Variants in CNTNAP2 observed in about 807,000 individuals in gnomAD.
The protein encoded by CNTNAP2 is contactin-associated protein-like 2.
Under a neutral mutation model 155.2 loss-of-function variants are expected in CNTNAP2, and 98 were observed. The observed-to-expected ratio is 0.63, with a 90% CI of 0.54 to 0.75. CNTNAP2 has a LOEUF of 0.75. Among genes scored for constraint, CNTNAP2 ranks in the 30% least tolerant of loss-of-function variants. CNTNAP2 has a pLI of 0.00. For missense variants in CNTNAP2, 1,727 were observed against 1,688.1 expected, an observed-to-expected ratio of 1.02 and a Z score of -0.40; for synonymous variants, 651 against 631.2, an observed-to-expected ratio of 1.03 and a Z score of -0.47.
intron 1 of CNTNAP2, among the ~76,000 whole-genome samples, chr7:146,586,536 C>T (rs1798695105): frequency 1.3e-5 from 2 of 151,564 alleles, no homozygotes; most frequent in Non-Finnish European, 2.9e-5. Context: ...TTTACACACA[C>T]ATACACACAC....
At chr7:146,841,373 G>C (rs1172299255) in intron 3 of CNTNAP2, among the ~76,000 whole-genome samples, 1 of 151,748 alleles carries the variant, frequency 6.6e-6, no homozygotes, top group African/African-American at 2.4e-5. Context: ...AAGGGGGTTG[G>C]GTGGGGGGAA....
At chr7:146,745,896 G>A (rs1239487307) in intron 1 of CNTNAP2, among the ~76,000 whole-genome samples, 1 of 152,140 alleles carries the variant, frequency 6.6e-6, no homozygotes, top group Admixed American at 6.5e-5. Flanking sequence ...AATAGAAAGG[G>A]TGCATGTATC....
chr7:147,776,713 T>C (rs531801125), intron 13 of CNTNAP2, among the ~76,000 whole-genome samples: 1 of 152,236 alleles, frequency 6.6e-6, no homozygotes, highest in African/African-American at 2.4e-5. Flanking sequence ...TTTTTTTTGA[T>C]TCTAAGAGCA....
chr7:147,112,858 G>T (rs1418639708), intron 5 of CNTNAP2, among the ~76,000 whole-genome samples: 2 of 151,920 alleles, frequency 1.3e-5, no homozygotes, highest in Non-Finnish European at 2.9e-5. Flanking sequence ...TGTTGTTGTT[G>T]TATATCCACC....
At chr7:147,580,395 G>T (rs905429747) in intron 12 of CNTNAP2, among the ~76,000 whole-genome samples, 4 of 152,104 alleles carry the variant, frequency 2.6e-5, no homozygotes, top group Non-Finnish European at 4.4e-5. Context: ...TTGAGCTGAA[G>T]AGAATATTAA....
intron 1 of CNTNAP2, among the ~76,000 whole-genome samples, chr7:146,525,315 A>T (rs987803109): frequency 3.3e-5 from 5 of 152,130 alleles, no homozygotes; most frequent in South Asian, 2.1e-4. Context: ...CGCCACTTAC[A>T]TATTTTCATG....
intron 10 of CNTNAP2, among the ~76,000 whole-genome samples, chr7:147,469,349 A>T (rs1206879345): frequency 6.6e-6 from 1 of 151,958 alleles, no homozygotes; most frequent in Non-Finnish European, 1.5e-5. Flanking sequence ...CTGATCTGAA[A>T]ACCCCTAATT....
At chr7:146,931,365 A>T (rs1459324199) in intron 3 of CNTNAP2, among the ~76,000 whole-genome samples, 2 of 150,044 alleles carry the variant, frequency 1.3e-5, no homozygotes, top group Non-Finnish European at 3.0e-5. Context: ...GAAGGCAGAA[A>T]TAAAGATGTT....
At chr7:147,185,382 A>T (rs114916141) in intron 8 of CNTNAP2, among the ~76,000 whole-genome samples, 1 of 152,314 alleles carries the variant, frequency 6.6e-6, no homozygotes, top group African/African-American at 2.4e-5. Flanking sequence ...TTAGGTATAT[A>T]TACTAGAGAA....
At chr7:147,436,377 T>G (rs1331648861) in intron 10 of CNTNAP2, among the ~76,000 whole-genome samples, 1 of 152,168 alleles carries the variant, frequency 6.6e-6, no homozygotes, top group Non-Finnish European at 1.5e-5. Flanking sequence ...CAGTTAAAAA[T>G]TTTTAATTTG....
intron 9 of CNTNAP2, among the ~76,000 whole-genome samples, chr7:147,340,516 A>G (rs1795742660): frequency 6.6e-6 from 1 of 152,096 alleles, no homozygotes; most frequent in Non-Finnish European, 1.5e-5. Flanking sequence ...GCACATACTA[A>G]GCAATTTATC....
chr7:147,767,870 G>A (rs541905428), intron 13 of CNTNAP2, among the ~76,000 whole-genome samples: 2 of 152,222 alleles, frequency 1.3e-5, no homozygotes, highest in East Asian at 1.9e-4. Context: ...GATAGGAAAT[G>A]AGAGAAAGAG....
intron 11 of CNTNAP2, among the ~76,000 whole-genome samples, chr7:147,522,621 T>C (rs1799247278): frequency 6.6e-6 from 1 of 152,024 alleles, no homozygotes; most frequent in East Asian, 1.9e-4. Context: ...GCAGTAAACA[T>C]TTTTTTGCAT....
At chr7:147,529,654 G>T (rs1234743419) in intron 11 of CNTNAP2, among the ~76,000 whole-genome samples, 2 of 152,102 alleles carry the variant, frequency 1.3e-5, no homozygotes, top group Non-Finnish European at 2.9e-5. Flanking sequence ...GGACGTTGAG[G>T]CTTAATAAAA....
intron 8 of CNTNAP2, among the ~76,000 whole-genome samples, chr7:147,261,290 G>C (rs1396382223): frequency 6.6e-6 from 1 of 152,148 alleles, no homozygotes; most frequent in African/African-American, 2.4e-5. Context: ...TGATTCCAAT[G>C]TGCAGCTACA....
At chr7:148,141,358 T>C (rs1335486176) in intron 16 of CNTNAP2, among the ~76,000 whole-genome samples, 1 of 152,240 alleles carries the variant, frequency 6.6e-6, no homozygotes, top group Non-Finnish European at 1.5e-5. Flanking sequence ...TAAACAGACA[T>C]AACTAATGTA....
intron 13 of CNTNAP2, among the ~76,000 whole-genome samples, chr7:147,776,702 A>C (rs1797590658): frequency 6.6e-6 from 1 of 152,042 alleles, no homozygotes; most frequent in African/African-American, 2.4e-5. Context: ...AAGCTTGAAA[A>C]TTTTTTTTGA....
At chr7:147,917,909 T>A (rs189255597) in intron 14 of CNTNAP2, among the ~76,000 whole-genome samples, 2 of 152,168 alleles carry the variant, frequency 1.3e-5, no homozygotes, top group African/African-American at 2.4e-5. Context: ...TAAGGATATT[T>A]GTATTTTCTC....
chr7:147,575,805 A>G (rs1458445297), intron 12 of CNTNAP2, among the ~76,000 whole-genome samples: 1 of 152,094 alleles, frequency 6.6e-6, no homozygotes, highest in East Asian at 1.9e-4. Context: ...ATTATTGATT[A>G]TCTGCTGTAT....
Sources: gnomAD v4.1 joint callset for allele counts (sites outside exome capture counted in the v4.1 genomes callset) on GRCh38, gnomAD v4.1.1 for gene constraint, MANE v1.5 for transcripts, NCBI Gene and HGNC (gene_info 2026-07-23, HGNC 2026-07-21) for gene names.